ZNF791: variants seen among roughly 807,000 people sequenced by gnomAD.
ZNF791 encodes the protein zinc finger protein 791.
ZNF791 carries 4 observed loss-of-function variants against 11.5 expected under a neutral mutation model. The observed-to-expected ratio is 0.35, with a 90% CI of 0.17 to 0.80. ZNF791 has a LOEUF of 0.80. ZNF791 is among the 30% of genes least tolerant of loss of function. The pLI is 0.53. For synonymous variants in ZNF791, 212 were observed against 228.1 expected (o/e 0.93, Z 0.64); for missense variants, 559 against 699.4 (o/e 0.80, Z 2.26).
chr19:12,618,808 AGTGTGTGTGTGTGTGTGTGTGTGTGT>A (rs60468264), intron 1 of ZNF791, among the ~76,000 whole-genome samples: 1 of 143,612 alleles, frequency 7.0e-6, no homozygotes, highest in African/African-American at 2.6e-5. Flanking sequence ...TTTACCTCTC[AGTGTGTGTGTGTGTGTGTGTGTGTGT>A]GTGTGTGTGT....
intron 2 of ZNF791, 106 bp from the exon 3 acceptor site, chr19:12,624,544 C>A: frequency 2.4e-6 from 2 of 825,146 alleles, no homozygotes; most frequent in Non-Finnish European, 3.7e-6. Flanking sequence ...GGAAACACTT[C>A]TGTAAATAAA....
intron 3 of ZNF791, 42 bp from the exon 4 acceptor site, chr19:12,627,661 ATAATACATATAAAATCAT>A: frequency 7.1e-7 from 1 of 1,404,710 alleles, no homozygotes; most frequent in Non-Finnish European, 9.7e-7. Flanking sequence ...CTACTACCCG[ATAATACATATAAAATCAT>A]TAATACACAA....
chr19:12,631,855 A>C lies in ZNF791; in HGVS notation c.*2595A>C, dbSNP rs1336593251. ...TTGGAAGTGAGATAATTCTGTAAGT[A>C]CTCTTTAAGCAGTGGTCAAAAGTTT... On this transcript the variant is annotated 3_prime_UTR_variant, in exon 4 of 4. Transcript: ENST00000343325. 6.6e-6 allele frequency: 1 copy of C among 152,142 alleles called. No homozygotes were observed. The highest frequency in any genetic ancestry group is 1.5e-5 in the Non-Finnish European group (1 of 68,028). The allele number at this position is 152,142 out of a possible 1,614,324, so 9.4% of individuals were successfully genotyped here.
chr19:12,619,362 A>G (rs543432709), intron 1 of ZNF791, among the ~76,000 whole-genome samples: 1 of 152,140 alleles, frequency 6.6e-6, no homozygotes, highest in African/African-American at 2.4e-5. Context: ...AAATTTACAA[A>G]CTTAAAAAAA....
intron 3 of ZNF791, 37 bp downstream of exon 3, chr19:12,624,747 A>T: frequency 2.0e-6 from 3 of 1,533,024 alleles, no homozygotes; most frequent in Non-Finnish European, 2.7e-6. Flanking sequence ...GTGTTCCTTG[A>T]AAGAATCTTA....
intron 1 of ZNF791, among the ~76,000 whole-genome samples, chr19:12,613,446 A>T (rs947490604): frequency 3.3e-5 from 5 of 151,890 alleles, no homozygotes; most frequent in Admixed American, 6.6e-5. Flanking sequence ...CTGGGCGTGG[A>T]GGCGGGCGCC....
In ZNF791 at chr19:12,628,517, T is replaced by C. The variant is rs1371186760; in HGVS notation, c.988T>C (p.Cys330Arg). The C allele has an allele frequency of 6.2e-7, 1 of 1,608,408 alleles. No homozygotes were observed. Among genetic ancestry groups the C allele is most frequent in the Non-Finnish European group, 8.5e-7 (1 of 1,177,778 alleles). The stretch of plus-strand genomic sequence containing the variant: ...TCATACTGGAGAGAAGCCCTATAAA[T>C]GTAAAGAATGTGGGAAATCTTTCAG... ...RIHTGEKPYK[C>R]KECGKSFSAR... Residue 330 changes from cysteine (C) to arginine (R), a missense_variant, in exon 4 of 4, where the codon TGT (cysteine) becomes CGT (arginine). Cys to Arg is a radical substitution (Grantham distance 180). Transcript: ENST00000343325.
chr19:12,621,008 GC>G (rs2023334373), intron 1 of ZNF791, among the ~76,000 whole-genome samples: 1 of 151,642 alleles, frequency 6.6e-6, no homozygotes, highest in Non-Finnish European at 1.5e-5. Context: ...TGATCCACCT[GC>G]CTCGGCCTCC....
intron 1 of ZNF791, among the ~76,000 whole-genome samples, chr19:12,618,133 G>C (rs371772851): frequency 1.3e-5 from 2 of 151,846 alleles, no homozygotes; most frequent in Non-Finnish European, 2.9e-5. Flanking sequence ...GGCTAGGCTG[G>C]TCTCCAACTC....
chr19:12,618,792 G>T (rs975085830), intron 1 of ZNF791, among the ~76,000 whole-genome samples: 1 of 146,690 alleles, frequency 6.8e-6, no homozygotes, highest in Non-Finnish European at 1.5e-5. Flanking sequence ...ATTTTGTGGT[G>T]ATTTGTTTAC....
rs969365970 is a variant in ZNF791, at chr19:12,632,298, T to C, written c.*3038T>C. 1 of 151,858 alleles carries C rather than the reference T, an allele frequency of 6.6e-6. No individual in the cohort carries two copies. Among genetic ancestry groups the C allele is most frequent in the Non-Finnish European group, 1.5e-5 (1 of 67,986 alleles). The allele number at this position is 151,858 out of a possible 1,614,324, so 9.4% of individuals were successfully genotyped here. The stretch of plus-strand genomic sequence containing the variant: ...TTTTTTTTTCTTTTAAAGACCAGTG[T>C]TAGTAGAAGTGTATTTTTAATATAC... On this transcript the variant is annotated 3_prime_UTR_variant, in exon 4 of 4. Transcript: ENST00000343325.
chr19:12,620,034 C>T (rs2023314290), intron 1 of ZNF791, among the ~76,000 whole-genome samples: 1 of 152,056 alleles, frequency 6.6e-6, no homozygotes. Flanking sequence ...CGCCATTCTC[C>T]TGCCTCAGCC....
chr19:12,623,848 CTTTTTTCTTTT>C, intron 2 of ZNF791, 22 bp downstream of exon 2: 20 of 798,798 alleles, frequency 2.5e-5, no homozygotes, highest in Middle Eastern at 4.6e-4. Flanking sequence ...ATCATTTTTT[CTTTTTTCTTTT>C]TTTTTTTTTT....
At chr19:12,622,401 C>T (rs1292378581) in intron 1 of ZNF791, among the ~76,000 whole-genome samples, 1 of 95,904 alleles carries the variant, frequency 1.0e-5, no homozygotes, top group Non-Finnish European at 2.1e-5. Context: ...AAAAAAAAGA[C>T]TGTCTCAAAC....
chr19:12,625,597 C>A (rs2023414031), intron 3 of ZNF791, among the ~76,000 whole-genome samples: 1 of 149,538 alleles, frequency 6.7e-6, no homozygotes, highest in South Asian at 2.1e-4. Context: ...CCAGTCTGGC[C>A]AACACAGTGA....
At chr19:12,611,170 C>T in intron 1 of ZNF791, 88 bp downstream of exon 1, 1 of 1,554,412 alleles carries the variant, frequency 6.4e-7, no homozygotes, top group Non-Finnish European at 8.8e-7. Context: ...CAGTGTGGGG[C>T]TGGGCTGGCA....
intron 1 of ZNF791, among the ~76,000 whole-genome samples, chr19:12,611,951 G>A (rs2023164117): frequency 6.6e-6 from 1 of 152,108 alleles, no homozygotes; most frequent in Admixed American, 6.6e-5. Flanking sequence ...TTGAGAGACA[G>A]TACAAAATAT....
chr19:12,616,329 A>C (rs927193039), intron 1 of ZNF791, among the ~76,000 whole-genome samples: 1 of 152,144 alleles, frequency 6.6e-6, no homozygotes, highest in African/African-American at 2.4e-5. Context: ...ATGGTGGTAC[A>C]CGCTTGTCAT....
At chr19:12,622,420 A>C (rs1338302626) in intron 1 of ZNF791, among the ~76,000 whole-genome samples, 1 of 146,244 alleles carries the variant, frequency 6.8e-6, no homozygotes, top group East Asian at 1.9e-4. Context: ...ACAAAAAAAA[A>C]AAAAAAAAAA....
Sources: gnomAD v4.1 joint callset for allele counts (sites outside exome capture counted in the v4.1 genomes callset) on GRCh38, gnomAD v4.1.1 for gene constraint, MANE v1.5 for transcripts, NCBI Gene and HGNC (gene_info 2026-07-23, HGNC 2026-07-21) for gene names.